Variants in FAT3 observed in about 807,000 individuals in gnomAD.
The protein encoded by FAT3 is protocadherin Fat 3.
A neutral mutation model predicts 310.2 loss-of-function variants in FAT3; 95 were observed. The ratio of observed to expected loss-of-function variants is 0.31; its 90% CI spans 0.26 to 0.36. The LOEUF (loss-of-function observed/expected upper bound fraction) is 0.36, where lower values mean the gene tolerates loss of function less well. FAT3 is among the 10% of genes least tolerant of loss of function. The pLI is 1.00. For missense variants in FAT3, 5,408 were observed against 5,715.6 expected (o/e 0.95, Z 1.74); for synonymous variants, 2,314 against 2,192.9 (o/e 1.06, Z -1.54).
At chr11:92,651,392 C>G (rs774054056) in intron 3 of FAT3, among the ~76,000 whole-genome samples, 7 of 152,286 alleles carry the variant, frequency 4.6e-5, no homozygotes, top group East Asian at 3.9e-4. Context: ...GGTCAATGCA[C>G]TCAGCTTCAG....
rs939193526 is a variant in FAT3 at position 92,355,290 on chromosome 11, A to G, written c.3178A>G (p.Thr1060Ala). The change falls in exon 2 of 28, where the codon ACA becomes GCA. Residue 1060 changes from threonine (T) to alanine (A), a missense_variant. By Grantham distance (58) the Thr-to-Ala change is moderately conservative. Around this residue, in one of 5 missense-constraint regions of FAT3, gnomAD observed 4,588 missense variants for 4,809.8 expected, o/e 0.95. Transcript: ENST00000525166. The stretch of plus-strand genomic sequence containing the variant: ...TGTAAAGGAAAACTCACGCATTGGA[A>G]CAAGCGTGCTGCAGGTGACTGCTCG... ...GSVKENSRIGTSVLQVTARDE... is the reference protein window; with the variant it reads ...GSVKENSRIGASVLQVTARDE... The G allele has an allele frequency of 1.9e-6, 3 of 1,613,838 alleles. No homozygotes were observed. The highest frequency in any genetic ancestry group is 2.5e-6 in the Non-Finnish European group (3 of 1,179,858).
intron 1 of FAT3, among the ~76,000 whole-genome samples, chr11:92,294,485 A>G (rs903105042): frequency 4.6e-5 from 7 of 151,970 alleles, no homozygotes; most frequent in Non-Finnish European, 1.5e-5. Flanking sequence ...GCCAAGTCAT[A>G]CTATAGTGGA....
chr11:92,566,138 C>G (rs1565417416), intron 3 of FAT3, among the ~76,000 whole-genome samples: 2 of 152,276 alleles, frequency 1.3e-5, no homozygotes, highest in East Asian at 3.9e-4. Context: ...TAGAAAACCC[C>G]ATTGTCTCAG....
At chr11:92,356,535 C>G (rs1034081575) in intron 2 of FAT3, among the ~76,000 whole-genome samples, 1 of 152,192 alleles carries the variant, frequency 6.6e-6, no homozygotes, top group African/African-American at 2.4e-5. Context: ...TGAAGGCCTT[C>G]TTCTGGGCTT....
intron 3 of FAT3, among the ~76,000 whole-genome samples, chr11:92,599,405 T>C (rs1365623982): frequency 6.6e-6 from 1 of 152,142 alleles, no homozygotes; most frequent in East Asian, 1.9e-4. Flanking sequence ...GTAACTGCCC[T>C]CATGATTCAA....
At chr11:92,631,836 G>C (rs1024359427) in intron 3 of FAT3, among the ~76,000 whole-genome samples, 2 of 152,124 alleles carry the variant, frequency 1.3e-5, no homozygotes, top group Admixed American at 6.5e-5. Flanking sequence ...CTTGTCCAGT[G>C]AGCCAGTGAC....
At chr11:92,489,079 G>C (rs1952520564) in intron 2 of FAT3, among the ~76,000 whole-genome samples, 1 of 152,042 alleles carries the variant, frequency 6.6e-6, no homozygotes, top group South Asian at 2.1e-4. Context: ...GTTGGTGGTG[G>C]TTGCATTTTG....
At chr11:92,322,457 C>T (rs1308669864) in intron 1 of FAT3, among the ~76,000 whole-genome samples, 1 of 152,140 alleles carries the variant, frequency 6.6e-6, no homozygotes, top group Non-Finnish European at 1.5e-5. Context: ...AGGCAGTTTC[C>T]TAAAATAGGA....
At chr11:92,662,358 A>G (rs1942814796) in intron 3 of FAT3, among the ~76,000 whole-genome samples, 1 of 152,202 alleles carries the variant, frequency 6.6e-6, no homozygotes. Context: ...GAGAATTAAC[A>G]AAGAAGAGGA....
At chr11:92,465,849 T>TA (rs566798159) in intron 2 of FAT3, among the ~76,000 whole-genome samples, 1,708 of 147,802 alleles carry the variant, frequency 0.012, 33 homozygotes, top group African/African-American at 0.038. Flanking sequence ...TAAAGTATAA[T>TA]AAAAAAAAAT....
chr11:92,714,245 A>G (rs966124570), intron 4 of FAT3, among the ~76,000 whole-genome samples: 2 of 152,170 alleles, frequency 1.3e-5, no homozygotes, highest in African/African-American at 4.8e-5. Flanking sequence ...GAGTGTCACA[A>G]TGTTCTGCCT....
At chr11:92,478,270 C>T (rs1034136767) in intron 2 of FAT3, among the ~76,000 whole-genome samples, 1 of 152,196 alleles carries the variant, frequency 6.6e-6, no homozygotes, top group Non-Finnish European at 1.5e-5. Context: ...AATCTTACTA[C>T]GGATGACAAC....
At chr11:92,430,081 A>C (rs1013172516) in intron 2 of FAT3, among the ~76,000 whole-genome samples, 1 of 151,990 alleles carries the variant, frequency 6.6e-6, no homozygotes, top group African/African-American at 2.4e-5. Flanking sequence ...ATTCCTTTTC[A>C]TTCTTTATTC....
chr11:92,559,121 G>T (rs549161975), intron 3 of FAT3, among the ~76,000 whole-genome samples: 21 of 152,152 alleles, frequency 1.4e-4, no homozygotes, highest in African/African-American at 4.3e-4. Flanking sequence ...TGTTATTTGT[G>T]TGTGCATGTA....
At chr11:92,258,622 C>T (rs1484982851) in intron 1 of FAT3, among the ~76,000 whole-genome samples, 2 of 151,322 alleles carry the variant, frequency 1.3e-5, no homozygotes, top group African/African-American at 4.9e-5. Flanking sequence ...TTTCAAGATT[C>T]CTGGATGTTA....
chr11:92,361,924 G>A (rs1335729635), intron 2 of FAT3, among the ~76,000 whole-genome samples: 1 of 152,258 alleles, frequency 6.6e-6, no homozygotes, highest in Non-Finnish European at 1.5e-5. Flanking sequence ...AAGAGATGAT[G>A]CTGGTAACAG....
intron 2 of FAT3, among the ~76,000 whole-genome samples, chr11:92,458,882 C>T (rs114914032): frequency 0.01 from 1,545 of 152,276 alleles, 30 homozygotes; most frequent in African/African-American, 0.035. Context: ...CTTTATTCAG[C>T]AGAATTCACT....
intron 3 of FAT3, among the ~76,000 whole-genome samples, chr11:92,688,123 G>T (rs1195909426): frequency 6.6e-6 from 1 of 151,990 alleles, no homozygotes; most frequent in African/African-American, 2.4e-5. Flanking sequence ...TATTGCCTGA[G>T]CCCAGGAATT....
chr11:92,769,471 C>G (rs1946407364), intron 6 of FAT3, among the ~76,000 whole-genome samples: 1 of 152,206 alleles, frequency 6.6e-6, no homozygotes, highest in Non-Finnish European at 1.5e-5. Context: ...AATGTGCATG[C>G]AATCTGGTTC....
Sources: allele counts gnomAD v4.1 joint callset (sites outside exome capture counted in the v4.1 genomes callset), GRCh38; gene constraint gnomAD v4.1.1; regional missense constraint gnomAD v4.1.1; transcripts MANE v1.5; gene names NCBI Gene and HGNC (gene_info 2026-07-23, HGNC 2026-07-21).